Variants in PTPA observed in about 807,000 individuals in gnomAD.
PTPA encodes serine/threonine-protein phosphatase 2A activator.
A neutral mutation model predicts 43.6 loss-of-function variants in PTPA; 13 were observed. The ratio of observed to expected loss-of-function variants is 0.30; its 90% confidence interval spans 0.19 to 0.47. PTPA has a LOEUF of 0.47. PTPA is among the 20% of genes least tolerant of loss of function. PTPA has a pLI of 0.99. For missense variants in PTPA, 329 were observed against 411.9 expected (o/e 0.80, Z 1.74); for synonymous variants, 172 against 158.2 (o/e 1.09, Z -0.66).
chr9:129,124,014 G>C (rs1849421577), intron 3 of PTPA, among the ~76,000 whole-genome samples: 2 of 151,930 alleles, frequency 1.3e-5, no homozygotes, highest in African/African-American at 4.8e-5. Context: ...AATTAAAACA[G>C]ATTACAAAAC....
chr9:129,142,940 CT>C, intron 9 of PTPA: 9 of 1,434,082 alleles, frequency 6.3e-6, no homozygotes, highest in African/African-American at 1.4e-5. Flanking sequence ...GGGTCTTACC[CT>C]TTGGAGGCAT....
At chr9:129,137,003 C>A (rs1301347725) in intron 7 of PTPA, among the ~76,000 whole-genome samples, 2 of 152,214 alleles carry the variant, frequency 1.3e-5, no homozygotes, top group Non-Finnish European at 2.9e-5. Context: ...TGCAAAGGGG[C>A]CCGTTAGGGA....
chr9:129,145,887 A>AG (rs1851263846), intron 9 of PTPA, among the ~76,000 whole-genome samples: 1 of 151,988 alleles, frequency 6.6e-6, no homozygotes, highest in African/African-American at 2.4e-5. Context: ...GGTACATGGG[A>AG]GGGCCTTGCT....
chr9:129,142,337 T>G, intron 8 of PTPA, 108 bp from the exon 9 acceptor site: 4 of 986,048 alleles, frequency 4.1e-6, no homozygotes, highest in South Asian at 1.7e-5. Context: ...TGCGTGTGCG[T>G]TTGTGTGTGT....
At chr9:129,135,960 T>A (rs1467646379) in intron 6 of PTPA, among the ~76,000 whole-genome samples, 1 of 151,800 alleles carries the variant, frequency 6.6e-6, no homozygotes, top group Non-Finnish European at 1.5e-5. Flanking sequence ...AGTGATTTTT[T>A]ATTTATTTAT....
rs1050064040 is a variant in PTPA, at chr9:129,140,506, C to T, written c.787-1939C>T. ...CCAGGACATGGGCCTAGCCCTGGCT[C>T]TGCCAGAGGCCTTTTGAGGATCTGT... On this transcript the variant is annotated intron_variant, in intron 8 of 9. Transcript: ENST00000393370. 4.6e-5 allele frequency among the ~76,000 whole-genome samples: 7 copies of T among 152,210 alleles called. No homozygotes were observed. The East Asian group carries it at 7.7e-4, about 17-fold the overall frequency.
chr9:129,125,788 T>C (rs1849537865), intron 3 of PTPA, among the ~76,000 whole-genome samples: 1 of 152,184 alleles, frequency 6.6e-6, no homozygotes, highest in South Asian at 2.1e-4. Context: ...AATACTTCGA[T>C]TGTTATTAGC....
At chr9:129,120,646 T>C (rs771391250) in intron 2 of PTPA, 36 bp downstream of exon 2, 2 of 1,564,822 alleles carry the variant, frequency 1.3e-6, no homozygotes, top group Non-Finnish European at 1.8e-6. Flanking sequence ...ACTTGGGCTT[T>C]TCAAAGACAG....
chr9:129,146,402 A>C (rs902452273), intron 9 of PTPA, among the ~76,000 whole-genome samples: 1 of 152,000 alleles, frequency 6.6e-6, no homozygotes, highest in African/African-American at 2.4e-5. Context: ...TTTTGAGGAG[A>C]GGGAACCTGG....
rs541545262 is a variant in PTPA at position 129,120,044 on chromosome 9, G to A, written c.32-469G>A. Among the ~76,000 whole-genome samples the A allele has an allele frequency of 2.6e-3, 390 of 152,250 alleles. 1 individual carries two copies. The highest frequency in any genetic ancestry group is 2.6e-3 in the Non-Finnish European group (177 of 68,026). On this transcript the variant is annotated intron_variant, in intron 1 of 9. Coordinates refer to ENST00000393370, the MANE Select transcript of PTPA (RefSeq NM_178000.3). Reference sequence around the variant, plus strand: ...AGGCCAAGGCGGGTGGATCACCTGAGGTCAGGAGTTTGCGATCAGCCTGGC... The same window carrying A: ...AGGCCAAGGCGGGTGGATCACCTGAAGTCAGGAGTTTGCGATCAGCCTGGC...
intron 9 of PTPA, chr9:129,143,457 G>C (rs1414580551): frequency 2.8e-6 from 2 of 702,720 alleles, no homozygotes; most frequent in Non-Finnish European, 5.2e-6. Flanking sequence ...TTCTCTTCTG[G>C]GAAGGGGCTG....
chr9:129,133,338 G>A (rs1305696611), intron 5 of PTPA, among the ~76,000 whole-genome samples: 1 of 152,210 alleles, frequency 6.6e-6, no homozygotes. Context: ...GATCAAAGAG[G>A]GAAGACTGGC....
intron 1 of PTPA, among the ~76,000 whole-genome samples, chr9:129,113,624 G>T (rs1228244695): frequency 6.7e-6 from 1 of 149,432 alleles, no homozygotes; most frequent in Non-Finnish European, 1.5e-5. Context: ...ACAAAAATTA[G>T]CTGGGTGTGG....
At chr9:129,140,864 C>G (rs960732741) in intron 8 of PTPA, among the ~76,000 whole-genome samples, 31 of 152,108 alleles carry the variant, frequency 2.0e-4, no homozygotes, top group Non-Finnish European at 4.3e-4. Context: ...AACAAAGCTC[C>G]CCAGAGGTGA....
chr9:129,130,746 T>TA (rs1374522262), intron 4 of PTPA, among the ~76,000 whole-genome samples: 3 of 152,330 alleles, frequency 2.0e-5, no homozygotes, highest in African/African-American at 7.2e-5. Flanking sequence ...GATGGATTTT[T>TA]ACATGTTTTT....
At chr9:129,142,990 A>C in intron 9 of PTPA, 1 of 1,290,978 alleles carries the variant, frequency 7.7e-7, no homozygotes, top group East Asian at 2.5e-5. Flanking sequence ...GTGTATGATC[A>C]CTGAGTGGTG....
chr9:129,141,020 T>G (rs2131616376), intron 8 of PTPA, among the ~76,000 whole-genome samples: 1 of 152,104 alleles, frequency 6.6e-6, no homozygotes, highest in Middle Eastern at 3.4e-3. Context: ...CTTGCCTGGC[T>G]GTGGTGGAGC....
upstream of PTPA, chr9:129,111,000 C>T (rs746107105): frequency 7.3e-7 from 1 of 1,371,216 alleles, no homozygotes; most frequent in Non-Finnish European, 9.8e-7. The surrounding 1 kb of genome is among the most constrained non-coding windows in gnomAD (Gnocchi z 5.3). Context: ...GCTGTCTCTC[C>T]CCTGTCCCCA....
chr9:129,142,774 G>A (rs1483847390), intron 9 of PTPA: 1 of 1,536,218 alleles, frequency 6.5e-7, no homozygotes, highest in Non-Finnish European at 8.7e-7. Flanking sequence ...AAAAGCTGCA[G>A]TCCAGCTCTG....
Sources: gnomAD v4.1 joint callset for allele counts (sites outside exome capture counted in the v4.1 genomes callset) on GRCh38, gnomAD v4.1.1 for gene constraint, Gnocchi (gnomAD v3.1) non-coding constraint, MANE v1.5 for transcripts, NCBI Gene and HGNC (gene_info 2026-07-23, HGNC 2026-07-21) for gene names.